The following TCP11L1 variants were observed in gnomAD, a reference collection of about 807,000 sequenced individuals.
TCP11L1 encodes the protein t-complex 11 like 1.
A neutral mutation model predicts 48.9 loss-of-function variants in TCP11L1; 28 were observed. The ratio of observed to expected loss-of-function variants is 0.57; its 90% CI spans 0.42 to 0.78. The LOEUF (loss-of-function observed/expected upper bound fraction) is 0.78, where lower values mean the gene tolerates loss of function less well. Among genes scored for constraint, TCP11L1 ranks in the 30% least tolerant of loss-of-function variants. TCP11L1 has a pLI of 0.00. For missense variants in TCP11L1, 505 were observed against 613.4 expected (o/e 0.82, Z 1.87); for synonymous variants, 204 against 231.9 (o/e 0.88, Z 1.09).
At chr11:33,047,415 A>G in intron 2 of TCP11L1, among the ~76,000 whole-genome samples, 1 of 152,206 alleles carries the variant, frequency 6.6e-6, no homozygotes, top group East Asian at 1.9e-4. Context: ...TACTACTTAT[A>G]CTTTAATGCT....
At chr11:33,044,189 G>A (rs1228655127) in intron 2 of TCP11L1, 10 of 339,770 alleles carry the variant, frequency 2.9e-5, no homozygotes, top group South Asian at 7.1e-5. Context: ...TGACACTCCA[G>A]TCTCTGAAGT....
intron 2 of TCP11L1, chr11:33,044,163 C>T (rs1853919434): frequency 2.5e-6 from 1 of 396,886 alleles, no homozygotes; most frequent in Non-Finnish European, 4.4e-6. Flanking sequence ...ACGTTCCTGT[C>T]TTTCTCCAGC....
At chr11:33,059,234 A>C in intron 6 of TCP11L1, 139 bp downstream of exon 6, 1 of 1,203,742 alleles carries the variant, frequency 8.3e-7, no homozygotes, top group Non-Finnish European at 1.1e-6. Context: ...AAGGAAAAGC[A>C]CAAAATGTTG....
rs771756130 is a variant in TCP11L1 at position 33,054,623 on chromosome 11, A to G, written c.194A>G (p.Glu65Gly). 6.2e-7 allele frequency: 1 copy of G among 1,613,722 alleles called. No homozygotes were observed. Among genetic ancestry groups the G allele is most frequent in the Non-Finnish European group, 8.5e-7 (1 of 1,179,896 alleles). ...CCTCCTCGCTTTGTGACAGTAGAAG[A>G]ACTTCTAGAGACAGCGAGAGGTGTC... Reference protein sequence around the residue: ...SSPPRFVTVEELLETARGVTN... With the variant: ...SSPPRFVTVEGLLETARGVTN... The change falls in exon 3 of 10, where the codon GAA becomes GGA. Residue 65 changes from glutamate to glycine, a missense_variant. Around this residue, in one of 3 missense-constraint regions of TCP11L1, gnomAD observed 168 missense variants for 183.5 expected, o/e 0.92. Transcript: ENST00000334274.
chr11:33,054,819 G>T (rs183028451), intron 3 of TCP11L1, 94 bp downstream of exon 3: 2 of 1,373,648 alleles, frequency 1.5e-6, no homozygotes, highest in Non-Finnish European at 2.0e-6. Flanking sequence ...ATATTCAAAC[G>T]TATTTTTCCT....
At chr11:33,058,885 G>C (rs982685821) in intron 5 of TCP11L1, 74 bp from the exon 6 acceptor site, 2 of 1,539,228 alleles carry the variant, frequency 1.3e-6, no homozygotes, top group African/African-American at 1.4e-5. Flanking sequence ...TGTGAGCCAC[G>C]CGTCTGGTCC....
chr11:33,054,865 G>A, intron 3 of TCP11L1, 140 bp downstream of exon 3: 2 of 1,092,608 alleles, frequency 1.8e-6, no homozygotes, highest in South Asian at 1.8e-5. Context: ...TCCTGAACAA[G>A]GAACAACCTA....
At chr11:33,059,554 C>A (rs1460858212) in intron 6 of TCP11L1, among the ~76,000 whole-genome samples, 1 of 152,138 alleles carries the variant, frequency 6.6e-6, no homozygotes, top group African/African-American at 2.4e-5. Context: ...TTTTTATGAA[C>A]CTCTCCGATG....
intron 2 of TCP11L1, among the ~76,000 whole-genome samples, chr11:33,051,838 G>T (rs7114593): frequency 0.41 from 62,273 of 151,826 alleles, 12,958 homozygotes; most frequent in African/African-American, 0.47. Context: ...ATCCTTATGG[G>T]AAAAATACAC....
chr11:33,057,024 C>G, intron 3 of TCP11L1, 91 bp from the exon 4 acceptor site: 11 of 1,564,758 alleles, frequency 7.0e-6, no homozygotes, highest in Non-Finnish European at 5.2e-6. Flanking sequence ...TTGATCTTAC[C>G]CTAAACCCAT....
intron 8 of TCP11L1, among the ~76,000 whole-genome samples, chr11:33,066,366 G>A (rs1036342135): frequency 2.6e-5 from 4 of 152,140 alleles, no homozygotes; most frequent in East Asian, 1.9e-4. Context: ...GAGGGGGAAC[G>A]TAATTAGATT....
intron 9 of TCP11L1, among the ~76,000 whole-genome samples, chr11:33,072,119 C>T (rs924095029): frequency 6.6e-6 from 1 of 152,120 alleles, no homozygotes; most frequent in Non-Finnish European, 1.5e-5. Flanking sequence ...GCTGGGATTA[C>T]AGGCGTGAGC....
intron 7 of TCP11L1, 92 bp from the exon 8 acceptor site, chr11:33,065,738 T>A: frequency 2.1e-6 from 3 of 1,400,432 alleles, no homozygotes; most frequent in Non-Finnish European, 2.9e-6. Flanking sequence ...TGAGGGAAGC[T>A]GCAGAGGCAG....
At chr11:33,045,302 G>A (rs1355868469) in intron 2 of TCP11L1, among the ~76,000 whole-genome samples, 1 of 150,422 alleles carries the variant, frequency 6.6e-6, no homozygotes, top group African/African-American at 2.4e-5. Context: ...GCAGTGAGCC[G>A]AGATCACGCC....
chr11:33,055,858 C>T (rs1854293492), intron 3 of TCP11L1, among the ~76,000 whole-genome samples: 1 of 152,146 alleles, frequency 6.6e-6, no homozygotes, highest in Non-Finnish European at 1.5e-5. Flanking sequence ...CGCTCTGTCG[C>T]CCAAGCTGGA....
chr11:33,043,387 A>C (rs578010271), intron 1 of TCP11L1, among the ~76,000 whole-genome samples: 2 of 152,368 alleles, frequency 1.3e-5, no homozygotes, highest in South Asian at 4.1e-4. Flanking sequence ...TTAGGAATGA[A>C]AGTAAAGAAT....
intron 3 of TCP11L1, chr11:33,056,652 C>T: frequency 4.0e-6 from 1 of 248,586 alleles, no homozygotes; most frequent in Non-Finnish European, 8.3e-6. Context: ...AACCTCTGGC[C>T]AGGCTGATCT....
rs375405663 is a variant in TCP11L1, at chr11:33,049,992, G to A, written c.164-4601G>A. 5.3e-5 allele frequency among the ~76,000 whole-genome samples: 8 copies of A among 152,298 alleles called. No homozygotes were observed. In the East Asian group the frequency reaches 9.7e-4, roughly 18 times the overall value. ...AGAGGCCCCTGCTGGAGGGCCTTCC[G>A]CAGTGTATTGTGTCCCTGGGTACTT... On this transcript the variant is annotated intron_variant, in intron 2 of 9. Transcript: ENST00000334274.
In TCP11L1 at chr11:33,044,299, G is replaced by GT. The variant is rs1211867930; in HGVS notation, c.163+365dup. Among the ~76,000 whole-genome samples the GT allele has an allele frequency of 2.7e-5, 4 of 150,440 alleles. No individual in the cohort carries two copies. The South Asian group carries it at 8.9e-4, about 33-fold the overall frequency. ...TCCAGCCAGGACTGTGCTTGTGCAG[G>GT]TTAAAAAAAAATGTGAGTAAGTTCA... On this transcript the variant is annotated intron_variant, in intron 2 of 9. Coordinates refer to ENST00000334274, the MANE Select transcript of TCP11L1 (RefSeq NM_018393.4).
Sources: allele counts gnomAD v4.1 joint callset (sites outside exome capture counted in the v4.1 genomes callset), GRCh38; gene constraint gnomAD v4.1.1; regional missense constraint gnomAD v4.1.1; transcripts MANE v1.5; gene names NCBI Gene and HGNC (gene_info 2026-07-23, HGNC 2026-07-21).